Variants in CADM2 observed in about 807,000 individuals in gnomAD.
CADM2 encodes the protein immunoglobulin superfamily member 4D.
In CADM2, 12 loss-of-function variants were observed where a neutral mutation model predicts 49.8. The ratio of observed to expected loss-of-function variants is 0.24; its 90% CI spans 0.15 to 0.39. The LOEUF (loss-of-function observed/expected upper bound fraction) is 0.39. CADM2 is among the 10% of genes least tolerant of loss of function. The probability of loss-of-function intolerance (pLI) is 1.00; values close to 1 mark genes in which losing one functional copy is unlikely to be tolerated. For missense variants in CADM2, 378 were observed against 492.3 expected (o/e 0.77, Z 2.20); for synonymous variants, 214 against 175.4 (o/e 1.22, Z -1.74).
chr3:85,912,356 T>A lies in CADM2; in HGVS notation c.530-17T>A, dbSNP rs1046967821. 27 of 1,580,220 alleles carry A rather than the reference T, an allele frequency of 1.7e-5. No homozygotes were observed. The highest frequency in any genetic ancestry group is 2.3e-5 in the Non-Finnish European group (27 of 1,158,034). ...TTTGAAAGGTGTCACATTTTAAAAT[T>A]CATATTTTATTTTCAGATGTAAAAT... On this transcript the variant is annotated splice_polypyrimidine_tract_variant and intron_variant, in intron 5 of 9. Coordinates refer to ENST00000383699, the MANE Select transcript of CADM2 (RefSeq NM_001167675.2).
chr3:85,394,033 G>C (rs2034648698), intron 1 of CADM2, among the ~76,000 whole-genome samples: 1 of 152,048 alleles, frequency 6.6e-6, no homozygotes, highest in Admixed American at 6.5e-5. Context: ...CTGACCTCGT[G>C]ATCCACCCGC....
intron 1 of CADM2, among the ~76,000 whole-genome samples, chr3:85,092,060 T>C (rs2037617248): frequency 2.0e-5 from 3 of 152,304 alleles, no homozygotes. Flanking sequence ...GTTTAATACT[T>C]ATTAGATGTA....
Position 85,337,759 on chromosome 3 carries a change from C to T in CADM2, c.61+378091C>T, listed in dbSNP as rs146638259. ...AAGCCTGGATTTTGGGTATGCAGAC[C>T]GGCATGCTAAATGAGTATTTGTTTA... On this transcript the variant is annotated intron_variant, in intron 1 of 9. Transcript: ENST00000383699. Among the ~76,000 whole-genome samples the T allele has an allele frequency of 1.2e-3, 186 of 151,512 alleles. 2 individuals are homozygous for T. Among genetic ancestry groups the T allele is most frequent in the Admixed American group, 8.7e-3 (132 of 15,162 alleles).
chr3:85,842,284 A>G (rs1259853776), intron 3 of CADM2, among the ~76,000 whole-genome samples: 2 of 152,074 alleles, frequency 1.3e-5, no homozygotes, highest in African/African-American at 4.8e-5. Context: ...TGGCTTCCCA[A>G]ATGGCTGAGG....
At chr3:85,565,901 G>A (rs1424771896) in intron 1 of CADM2, among the ~76,000 whole-genome samples, 1 of 150,920 alleles carries the variant, frequency 6.6e-6, no homozygotes, top group South Asian at 2.1e-4. Context: ...TTTTGTTTAA[G>A]TACTCCAACT....
intron 1 of CADM2, among the ~76,000 whole-genome samples, chr3:85,280,100 C>G (rs1284743820): frequency 6.6e-6 from 1 of 151,502 alleles, no homozygotes; most frequent in Non-Finnish European, 1.5e-5. Context: ...ATTGCCAAGA[C>G]CAATAATTAT....
intron 1 of CADM2, among the ~76,000 whole-genome samples, chr3:85,045,446 T>C (rs2035618152): frequency 6.6e-6 from 1 of 152,122 alleles, no homozygotes; most frequent in African/African-American, 2.4e-5. Flanking sequence ...TATGTTTTAT[T>C]TTACAATGTG....
chr3:86,064,794 TG>T (rs909366653), intron 8 of CADM2, among the ~76,000 whole-genome samples: 1 of 152,238 alleles, frequency 6.6e-6, no homozygotes, highest in African/African-American at 2.4e-5. Flanking sequence ...GCTGATTTCT[TG>T]CCTGTAAAAT....
intron 8 of CADM2, among the ~76,000 whole-genome samples, chr3:86,052,287 C>T (rs1737436192): frequency 6.6e-6 from 1 of 152,052 alleles, no homozygotes; most frequent in African/African-American, 2.4e-5. Context: ...CTATAGGGTT[C>T]TATCATTAAA....
At chr3:85,442,000 A>T (rs547001474) in intron 1 of CADM2, among the ~76,000 whole-genome samples, 4 of 152,110 alleles carry the variant, frequency 2.6e-5, no homozygotes, top group Non-Finnish European at 5.9e-5. Flanking sequence ...ATATCATATT[A>T]TTTATGTTTC....
chr3:85,989,080 C>A (rs1418716239), intron 8 of CADM2, among the ~76,000 whole-genome samples: 1 of 152,094 alleles, frequency 6.6e-6, no homozygotes, highest in Non-Finnish European at 1.5e-5. Context: ...TTAAAGTCAT[C>A]TTTTAAAAAT....
At chr3:85,519,092 A>G (rs1181195828) in intron 1 of CADM2, among the ~76,000 whole-genome samples, 1 of 152,084 alleles carries the variant, frequency 6.6e-6, no homozygotes, top group African/African-American at 2.4e-5. Flanking sequence ...ATATATGTAT[A>G]ATAGAGCATT....
chr3:85,127,552 G>T (rs77969516), intron 1 of CADM2, among the ~76,000 whole-genome samples: 4 of 152,114 alleles, frequency 2.6e-5, no homozygotes, highest in African/African-American at 9.7e-5. Context: ...TTTTAAAGTC[G>T]TGAATTCCCT....
At chr3:85,229,992 C>T (rs72915067) in intron 1 of CADM2, among the ~76,000 whole-genome samples, 9,219 of 152,176 alleles carry the variant, frequency 0.061, 932 homozygotes, top group African/African-American at 0.21. Flanking sequence ...GAGAAAGACA[C>T]GTGGGTCTCA....
intron 8 of CADM2, among the ~76,000 whole-genome samples, chr3:86,001,894 C>G (rs1169082621): frequency 1.3e-5 from 2 of 152,072 alleles, no homozygotes; most frequent in African/African-American, 4.8e-5. Flanking sequence ...ATAGATGTCT[C>G]TTTCATTTGG....
chr3:85,047,162 GTCA>G (rs2088998471), intron 1 of CADM2, among the ~76,000 whole-genome samples: 2 of 152,150 alleles, frequency 1.3e-5, no homozygotes, highest in Admixed American at 6.6e-5. Context: ...CCAAATTTCT[GTCA>G]TCATATTCCT....
At chr3:85,368,256 C>G (rs943967055) in intron 1 of CADM2, among the ~76,000 whole-genome samples, 1 of 151,890 alleles carries the variant, frequency 6.6e-6, no homozygotes, top group Non-Finnish European at 1.5e-5. Flanking sequence ...CTTCACAGAC[C>G]ACTACCTTCT....
Position 85,190,225 on chromosome 3 carries a change from A to G in CADM2, c.61+230557A>G, listed in dbSNP as rs373152530. Among the ~76,000 whole-genome samples the G allele has an allele frequency of 2.5e-4, 38 of 152,200 alleles. No individual in the cohort carries two copies. The East Asian group carries it at 6.0e-3, about 24-fold the overall frequency. ...GAATCACTGGGGATCATTTCAGAGG[A>G]TACTTGCCCCCATGCCACCAGTTTT... is the stretch of plus-strand genomic sequence containing the variant. On this transcript the variant is annotated intron_variant, in intron 1 of 9. Coordinates refer to ENST00000383699, the MANE Select transcript of CADM2 (RefSeq NM_001167675.2).
At chr3:85,502,923 T>C (rs1055741578) in intron 1 of CADM2, among the ~76,000 whole-genome samples, 2 of 152,110 alleles carry the variant, frequency 1.3e-5, no homozygotes, top group African/African-American at 2.4e-5. Context: ...TTAAGTGATA[T>C]AGATCCCTTT....
Sources: gnomAD v4.1 joint callset for allele counts (sites outside exome capture counted in the v4.1 genomes callset) on GRCh38, gnomAD v4.1.1 for gene constraint, MANE v1.5 for transcripts, NCBI Gene and HGNC (gene_info 2026-07-23, HGNC 2026-07-21) for gene names.